VCPKMT: variants seen among roughly 807,000 people sequenced by gnomAD.
VCPKMT encodes the protein valosin containing protein lysine methyltransferase.
Under a neutral mutation model 28.6 loss-of-function variants are expected in VCPKMT, and 32 were observed. The ratio of observed to expected loss-of-function variants is 1.12; its 90% confidence interval spans 0.84 to 1.50. The LOEUF (loss-of-function observed/expected upper bound fraction) is 1.50. VCPKMT is among the 40% of genes most tolerant of loss of function. The pLI, the probability that VCPKMT is intolerant of heterozygous loss-of-function variation, is 0.00. For synonymous variants in VCPKMT, 138 were observed against 111.4 expected (o/e 1.24, Z -1.50); for missense variants, 366 against 285.0 (o/e 1.28, Z -2.05).
chr14:50,114,336 A>G lies in VCPKMT; in HGVS notation c.519T>C (p.Tyr173=), dbSNP rs755582247. The G allele has an allele frequency of 5.6e-6, 9 of 1,594,098 alleles. No individual in the cohort carries two copies. The South Asian group carries it at 5.8e-5, about 10-fold the overall frequency. ...GATTTTTCCCCATTGTTCGTTGTTC[A>G]TAACAACATATAATACAAGTTTCAA... ...SGFETCIICC[Y]EQRTMGKNPE... The change falls in exon 4 of 6, where the codon TAT becomes TAC. Residue 173 remains tyrosine (Y), a synonymous_variant. Coordinates refer to ENST00000395860, the MANE Select transcript of VCPKMT (RefSeq NM_024558.3).
At chr14:50,110,423 C>G (rs1882562001) in intron 5 of VCPKMT, among the ~76,000 whole-genome samples, 1 of 152,094 alleles carries the variant, frequency 6.6e-6, no homozygotes, top group Non-Finnish European at 1.5e-5. Context: ...ATAAGTCAAT[C>G]TGAAAATGGG....
chr14:50,111,395 C>T lies in VCPKMT; in HGVS notation c.675+1220G>A, dbSNP rs930281641. The T allele has an allele frequency of 3.0e-6, 3 of 985,310 alleles. No individual in the cohort carries two copies. The East Asian group carries it at 3.4e-4, about 112-fold the overall frequency. 61.0% of individuals were successfully genotyped at this position (985,310 alleles called of 1,614,324 possible). On this transcript the variant is annotated intron_variant, in intron 5 of 5. Coordinates refer to ENST00000395860, the MANE Select transcript of VCPKMT (RefSeq NM_024558.3). The stretch of plus-strand genomic sequence containing the variant: ...TACTTAGATTTAGTCCTAACACCTA[C>T]TTCTGTTCCCTAAGTTTTATTTGCT...
intron 5 of VCPKMT, among the ~76,000 whole-genome samples, chr14:50,112,395 G>GAAAAAAAAAAAAAAAAA (rs59968443): frequency 8.3e-5 from 1 of 11,998 alleles, no homozygotes; most frequent in Non-Finnish European, 1.4e-4. Flanking sequence ...AAAAATACGA[G>GAAAAAAAAAAAAAAAAA]AAAAAAAAAA....
Position 50,115,814 on chromosome 14 carries a change from G to C in VCPKMT, c.450+25C>G, listed in dbSNP as rs140002558. ...GAATAAGGTTCATCTTCTAAGTGAA[G>C]AGACTTCGCTCACTGGATACTTACC... On this transcript the variant is annotated intron_variant, in intron 3 of 5. Coordinates refer to ENST00000395860, the MANE Select transcript of VCPKMT (RefSeq NM_024558.3). 188 of 1,583,460 alleles carry C rather than the reference G, an allele frequency of 1.2e-4. No individual in the cohort carries two copies. The East Asian group carries it at 4.1e-3, about 35-fold the overall frequency.
At chr14:50,115,747 AAG>A in intron 3 of VCPKMT, 90 bp downstream of exon 3, 2 of 1,437,720 alleles carry the variant, frequency 1.4e-6, no homozygotes, top group South Asian at 2.6e-5. Flanking sequence ...CCCGGATTCA[AAG>A]ATGTTAAAAT....
rs1047032617 is a variant in VCPKMT at position 50,109,484 on chromosome 14, A to G, written c.*215T>C. The stretch of plus-strand genomic sequence containing the variant: ...ACTTGATGCTGAACTAAGTAACCTA[A>G]GCTGGATTCAGGGCCATTGGCAGGC... On this transcript the variant is annotated 3_prime_UTR_variant, in exon 6 of 6. Coordinates refer to ENST00000395860, the MANE Select transcript of VCPKMT (RefSeq NM_024558.3). 1.1e-5 allele frequency: 14 copies of G among 1,288,174 alleles called. No homozygotes were observed. Among genetic ancestry groups the G allele is most frequent in the South Asian group, 2.5e-5 (1 of 39,724 alleles). 79.8% of individuals were successfully genotyped at this position (1,288,174 alleles called of 1,614,324 possible). A position where few individuals can be genotyped will look rare whatever the true frequency, so the allele number is the denominator to read the frequency against.
chr14:50,108,472 G>C (rs1882420920), downstream of VCPKMT, among the ~76,000 whole-genome samples: 1 of 152,100 alleles, frequency 6.6e-6, no homozygotes, highest in South Asian at 2.1e-4. Flanking sequence ...TTGGCGGGGG[G>C]GAAACCAGCA....
chr14:50,112,783 G>T, intron 4 of VCPKMT, 64 bp from the exon 5 acceptor site: 1 of 1,175,138 alleles, frequency 8.5e-7, no homozygotes, highest in Non-Finnish European at 1.2e-6. Context: ...GGTGACAGAA[G>T]TCAGAATGCT....
chr14:50,113,135 C>T (rs760974733), intron 4 of VCPKMT, among the ~76,000 whole-genome samples: 17 of 152,034 alleles, frequency 1.1e-4, no homozygotes, highest in Non-Finnish European at 1.9e-4. Context: ...TGCAAACCTT[C>T]CAAGATCCTG....
intron 5 of VCPKMT, 114 bp downstream of exon 5, chr14:50,112,501 C>A: frequency 1.8e-6 from 1 of 564,520 alleles, no homozygotes; most frequent in Non-Finnish European, 3.1e-6. Flanking sequence ...TCCAGTGAAT[C>A]ATTAGAGCTG....
downstream of VCPKMT, among the ~76,000 whole-genome samples, chr14:50,104,476 C>A (rs1381239718): frequency 6.6e-6 from 1 of 152,092 alleles, no homozygotes; most frequent in East Asian, 1.9e-4. Flanking sequence ...TTTTCTTTTT[C>A]TGTATTTCTA....
At chr14:50,106,668 C>T (rs1882332347), downstream of VCPKMT, 1 of 982,512 alleles carries the variant, frequency 1.0e-6, no homozygotes, top group African/African-American at 1.7e-5. Flanking sequence ...TACTGGTCTC[C>T]CATACTTGCA....
downstream of VCPKMT, among the ~76,000 whole-genome samples, chr14:50,103,914 G>A (rs1172315758): frequency 3.3e-5 from 5 of 152,096 alleles, no homozygotes; most frequent in African/African-American, 4.8e-5. Flanking sequence ...CCCCAACTAC[G>A]GTCACATTTA....
Position 50,116,361 on chromosome 14 carries a change from G to A in VCPKMT, c.192C>T (p.His64=), listed in dbSNP as rs748050211. The change falls in exon 1 of 6, where the codon CAC becomes CAT. Residue 64 remains histidine, a synonymous_variant. Transcript: ENST00000395860. The part of the protein sequence containing the change: ...ETPEFSGDGA[H]ALSRRSVLEL... ...CCAGCACCGACCGCCGGCTCAGCGC[G>A]TGGGCCCCGTCGCCAGAAAACTCGG... The A allele has an allele frequency of 6.2e-6, 10 of 1,612,984 alleles. No homozygotes were observed. Among genetic ancestry groups the A allele is most frequent in the Non-Finnish European group, 8.5e-6 (10 of 1,179,558 alleles).
At position 50,116,534 on chromosome 14, in the gene VCPKMT, A is replaced by G. The variant is rs751913184; in HGVS notation, c.19T>C (p.Ser7Pro). 1.9e-6 allele frequency: 3 copies of G among 1,610,726 alleles called. No individual in the cohort carries two copies. The highest frequency in any genetic ancestry group is 1.7e-6 in the Non-Finnish European group (2 of 1,178,186). MADTLE[S>P]SLEDPLRSFV... is the part of the protein sequence containing the mutation. ...CTCCGCAGTGGGTCCTCCAGCGAGGACTCCAGCGTATCCGCCATTGCGCCC... is the reference window on the plus strand; with the variant it reads ...CTCCGCAGTGGGTCCTCCAGCGAGGGCTCCAGCGTATCCGCCATTGCGCCC... The change falls in exon 1 of 6, where the codon TCC becomes CCC. Residue 7 changes from serine to proline, a missense_variant. By Grantham distance (74) the Ser-to-Pro change is moderately conservative. Transcript: ENST00000395860.
chr14:50,113,682 C>G (rs1170787382), intron 4 of VCPKMT, among the ~76,000 whole-genome samples: 2 of 148,516 alleles, frequency 1.3e-5, no homozygotes, highest in African/African-American at 5.0e-5. Context: ...GAGAAAAACA[C>G]AGAAGTAAAA....
In VCPKMT at chr14:50,109,369, G is replaced by C; in HGVS notation, c.*330C>G. On this transcript the variant is annotated 3_prime_UTR_variant, in exon 6 of 6. Transcript: ENST00000395860. ...TCTCTAGCTTCCTGTAAAAGGTCCA[G>C]TCAAATCATGTTGGCTGTTTTTGGC... The C allele has an allele frequency of 9.3e-7, 1 of 1,072,070 alleles. No individual in the cohort carries two copies. Among genetic ancestry groups the C allele is most frequent in the Non-Finnish European group, 1.1e-6 (1 of 887,708 alleles). The allele number at this position is 1,072,070 out of a possible 1,614,324, so 66.4% of individuals were successfully genotyped here.
In VCPKMT at chr14:50,115,822, G is replaced by A. The variant is rs766868851; in HGVS notation, c.450+17C>T. The A allele has an allele frequency of 1.3e-5, 20 of 1,589,350 alleles. No homozygotes were observed. Among genetic ancestry groups the A allele is most frequent in the African/African-American group, 8.1e-5 (6 of 74,454 alleles). On this transcript the variant is annotated intron_variant, in intron 3 of 5. Coordinates refer to ENST00000395860, the MANE Select transcript of VCPKMT (RefSeq NM_024558.3). ...TTCATCTTCTAAGTGAAGAGACTTC[G>A]CTCACTGGATACTTACCTCTTCATA...
intron 5 of VCPKMT, chr14:50,111,469 A>C (rs1882652775): frequency 1.0e-6 from 1 of 985,350 alleles, no homozygotes; most frequent in Non-Finnish European, 1.2e-6. Flanking sequence ...AACATAATCA[A>C]AGCAAAGATG....
Sources: allele counts gnomAD v4.1 joint callset (sites outside exome capture counted in the v4.1 genomes callset), GRCh38; gene constraint gnomAD v4.1.1; transcripts MANE v1.5; gene names NCBI Gene and HGNC (gene_info 2026-07-23, HGNC 2026-07-21).